EPHA6: variants seen among roughly 807,000 people sequenced by gnomAD.
The protein encoded by EPHA6 is ephrin type-A receptor 6.
Under a neutral mutation model 112.0 loss-of-function variants are expected in EPHA6, and 50 were observed. That is an observed-to-expected ratio of 0.45 (90% confidence interval 0.36 to 0.56). The LOEUF is 0.56. EPHA6 is among the 20% of genes least tolerant of loss of function. The pLI, the probability that EPHA6 is intolerant of heterozygous loss-of-function variation, is 0.00. For missense variants in EPHA6, 1,280 were observed against 1,417.4 expected (o/e 0.90, Z 1.56); for synonymous variants, 529 against 490.7 (o/e 1.08, Z -1.03).
At chr3:97,164,264 G>GCT (rs1379452330) in intron 3 of EPHA6, among the ~76,000 whole-genome samples, 1 of 152,054 alleles carries the variant, frequency 6.6e-6, no homozygotes, top group Non-Finnish European at 1.5e-5. Flanking sequence ...ATCTATCACT[G>GCT]CTCTCTTTGC....
intron 10 of EPHA6, among the ~76,000 whole-genome samples, chr3:97,487,702 T>C (rs1197199908): frequency 2.0e-5 from 3 of 152,238 alleles, no homozygotes; most frequent in African/African-American, 7.2e-5. Flanking sequence ...ATCACTGTTC[T>C]ATTTAATACT....
chr3:96,909,135 TA>T (rs1261097540), intron 2 of EPHA6, among the ~76,000 whole-genome samples: 1 of 151,980 alleles, frequency 6.6e-6, no homozygotes, highest in Non-Finnish European at 1.5e-5. Flanking sequence ...CTCCTTATAT[TA>T]AAAATCATAT....
chr3:96,849,484 T>G (rs1055959067), intron 1 of EPHA6, among the ~76,000 whole-genome samples: 2 of 152,158 alleles, frequency 1.3e-5, no homozygotes, highest in African/African-American at 4.8e-5. Flanking sequence ...AGTCTTGCTG[T>G]GTTAATTTTT....
At chr3:97,627,842 T>C (rs920651537) in intron 13 of EPHA6, among the ~76,000 whole-genome samples, 8 of 151,940 alleles carry the variant, frequency 5.3e-5, no homozygotes, top group African/African-American at 1.9e-4. Context: ...AAATCTCAAG[T>C]TCCAGGCTTT....
chr3:97,270,156 T>C (rs1449944428), intron 5 of EPHA6, among the ~76,000 whole-genome samples: 1 of 152,174 alleles, frequency 6.6e-6, no homozygotes, highest in African/African-American at 2.4e-5. Context: ...AAAATGTCAA[T>C]ATTTAGATTG....
chr3:97,706,001 A>G (rs961175652), intron 14 of EPHA6, among the ~76,000 whole-genome samples: 1 of 152,192 alleles, frequency 6.6e-6, no homozygotes, highest in Non-Finnish European at 1.5e-5. Context: ...CTTAAACCTG[A>G]GCAAAACAAG....
intron 3 of EPHA6, among the ~76,000 whole-genome samples, chr3:97,187,234 A>G (rs1029670512): frequency 2.0e-5 from 3 of 152,116 alleles, no homozygotes; most frequent in African/African-American, 7.2e-5. Flanking sequence ...GGCAAAAGAA[A>G]AATAGAAAAA....
chr3:96,879,531 A>G (rs551104874), intron 2 of EPHA6, among the ~76,000 whole-genome samples: 30 of 152,108 alleles, frequency 2.0e-4, no homozygotes, highest in Non-Finnish European at 4.0e-4. Flanking sequence ...TTGGTGTCCT[A>G]TTACACAGTG....
chr3:97,265,616 C>T (rs1415908847), intron 5 of EPHA6, among the ~76,000 whole-genome samples: 1 of 152,196 alleles, frequency 6.6e-6, no homozygotes, highest in Admixed American at 6.5e-5. Flanking sequence ...TTCCCAAGAC[C>T]CCGAGGGTGC....
rs115841405 is a variant in EPHA6 at position 97,726,961 on chromosome 3, A to G, written c.2934+6551A>G. ...CTCAAGCTAATGATCTAAATGTAAG[A>G]TTGCAGTCTTGGGTTTTGTTTCGTT... On this transcript the variant is annotated intron_variant, in intron 15 of 17. Coordinates refer to ENST00000389672, the MANE Select transcript of EPHA6 (RefSeq NM_001080448.3). Among the ~76,000 whole-genome samples the G allele has an allele frequency of 2.5e-3, 388 of 152,198 alleles. 2 individuals carry two copies. Among genetic ancestry groups the G allele is most frequent in the Middle Eastern group, 0.017 (5 of 294 alleles).
intron 1 of EPHA6, among the ~76,000 whole-genome samples, chr3:96,834,813 G>A (rs561863482): frequency 1.9e-4 from 29 of 152,022 alleles, no homozygotes; most frequent in South Asian, 6.2e-4. Flanking sequence ...GGAAAATGGC[G>A]TAATATCTAG....
At chr3:97,187,257 G>A (rs184362377) in intron 3 of EPHA6, among the ~76,000 whole-genome samples, 6 of 152,028 alleles carry the variant, frequency 3.9e-5, no homozygotes, top group African/African-American at 1.4e-4. Flanking sequence ...AGAATAATGT[G>A]ATGGCTCTTG....
intron 3 of EPHA6, among the ~76,000 whole-genome samples, chr3:97,018,220 G>A (rs949589199): frequency 5.3e-5 from 8 of 151,462 alleles, no homozygotes; most frequent in Non-Finnish European, 1.0e-4. Context: ...TTTATTTTGG[G>A]GTCTTTATTT....
intron 15 of EPHA6, among the ~76,000 whole-genome samples, chr3:97,727,585 T>A (rs2034832167): frequency 6.6e-6 from 1 of 152,062 alleles, no homozygotes; most frequent in Non-Finnish European, 1.5e-5. Context: ...TACTTTATTA[T>A]GTAATGGTCC....
chr3:97,077,637 T>TG, intron 3 of EPHA6, among the ~76,000 whole-genome samples: 1 of 146,182 alleles, frequency 6.8e-6, no homozygotes, highest in Non-Finnish European at 1.5e-5. Flanking sequence ...AGTGAGAACA[T>TG]GCGCTGTCTG....
chr3:97,678,162 G>GAA (rs2031562602), intron 14 of EPHA6, among the ~76,000 whole-genome samples: 1 of 152,126 alleles, frequency 6.6e-6, no homozygotes, highest in Non-Finnish European at 1.5e-5. Flanking sequence ...GAAATCTGGT[G>GAA]CCTTGAGGTT....
intron 2 of EPHA6, 74 bp from the exon 3 acceptor site, chr3:96,987,256 A>T (rs1343675635): frequency 1.5e-6 from 2 of 1,362,184 alleles, no homozygotes; most frequent in Non-Finnish European, 1.0e-6. Context: ...TAAAACAAAA[A>T]AAATTGTAAG....
At chr3:97,230,311 A>T (rs2078487856) in intron 4 of EPHA6, among the ~76,000 whole-genome samples, 1 of 152,148 alleles carries the variant, frequency 6.6e-6, no homozygotes, top group African/African-American at 2.4e-5. Context: ...GTCAAAGAAA[A>T]ATAAATATGG....
At chr3:97,357,228 A>T (rs887452824) in intron 5 of EPHA6, among the ~76,000 whole-genome samples, 2 of 152,032 alleles carry the variant, frequency 1.3e-5, no homozygotes. Flanking sequence ...TTCTTTTTAG[A>T]TGGAGTCTCG....
Sources: allele counts gnomAD v4.1 joint callset (sites outside exome capture counted in the v4.1 genomes callset), GRCh38; gene constraint gnomAD v4.1.1; transcripts MANE v1.5; gene names NCBI Gene and HGNC (gene_info 2026-07-23, HGNC 2026-07-21).